The following ZFHX3 variants were observed in gnomAD, a reference collection of about 807,000 sequenced individuals.
ZFHX3 encodes the protein zinc finger homeobox protein 3.
Under a neutral mutation model 279.1 loss-of-function variants are expected in ZFHX3, and 42 were observed. The observed-to-expected ratio is 0.15, with a 90% confidence interval of 0.12 to 0.19. The LOEUF is 0.19. Among genes scored for constraint, ZFHX3 ranks in the 10% least tolerant of loss-of-function variants. ZFHX3 has a pLI of 1.00. For missense variants in ZFHX3, 4,981 were observed against 4,754.0 expected, an observed-to-expected ratio of 1.05 and a Z score of -1.40; for synonymous variants, 2,293 against 1,957.8, an observed-to-expected ratio of 1.17 and a Z score of -4.52.
chr16:73,890,826 A>C (rs551081669), intron 1 of ZFHX3, among the ~76,000 whole-genome samples: 1 of 152,104 alleles, frequency 6.6e-6, no homozygotes, highest in South Asian at 2.1e-4. Flanking sequence ...TTAAAATTCA[A>C]ATTTCACACT....
chr16:72,868,196 A>G (rs2038070889), intron 4 of ZFHX3, among the ~76,000 whole-genome samples: 1 of 152,266 alleles, frequency 6.6e-6, no homozygotes, highest in African/African-American at 2.4e-5. Flanking sequence ...ATTCACTGCT[A>G]TATTCATTTA....
At chr16:72,916,440 G>A (rs529515864) in intron 3 of ZFHX3, among the ~76,000 whole-genome samples, 1 of 152,298 alleles carries the variant, frequency 6.6e-6, no homozygotes, top group East Asian at 1.9e-4. Flanking sequence ...AATTATCCAG[G>A]TGGACCTCTC....
At chr16:73,059,494 C>T (rs1207393834) in exon 1 of ZFHX3, 1 of 147,464 alleles carries the variant, frequency 6.8e-6, no homozygotes, top group Non-Finnish European at 1.5e-5. Context: ...TCTTCCCCCC[C>T]TTCTCTTTTC....
At chr16:73,529,470 C>T (rs1282575948) in intron 2 of ZFHX3, among the ~76,000 whole-genome samples, 2 of 152,140 alleles carry the variant, frequency 1.3e-5, no homozygotes, top group Non-Finnish European at 2.9e-5. Flanking sequence ...CCCACCCAGG[C>T]AGGGAGGTTA....
chr16:73,055,452 T>C (rs943662079), intron 1 of ZFHX3, among the ~76,000 whole-genome samples: 2 of 152,092 alleles, frequency 1.3e-5, no homozygotes, highest in South Asian at 4.1e-4. Flanking sequence ...AAAGCAGCTG[T>C]AGGGGTTTTG....
chr16:73,296,276 C>A (rs2014907621), intron 4 of ZFHX3, among the ~76,000 whole-genome samples: 1 of 152,074 alleles, frequency 6.6e-6, no homozygotes. Context: ...CAAGCTAAGA[C>A]CTTGTATGAT....
chr16:73,768,388 GT>G (rs2053978373), intron 1 of ZFHX3, among the ~76,000 whole-genome samples: 1 of 152,164 alleles, frequency 6.6e-6, no homozygotes, highest in Non-Finnish European at 1.5e-5. Context: ...GAACTTTTAT[GT>G]TATTACTCAA....
At chr16:73,163,070 T>C (rs978437968) in intron 5 of ZFHX3, among the ~76,000 whole-genome samples, 19 of 152,228 alleles carry the variant, frequency 1.2e-4, no homozygotes, top group African/African-American at 4.6e-4. Context: ...CCTGTACTGA[T>C]GTCTTTGACA....
chr16:72,833,668 G>T (rs2037118529), intron 4 of ZFHX3, among the ~76,000 whole-genome samples: 1 of 152,138 alleles, frequency 6.6e-6, no homozygotes, highest in South Asian at 2.1e-4. Context: ...CCAGGACCTG[G>T]GAGAGAAGGT....
chr16:73,689,911 C>G (rs1348482415), intron 1 of ZFHX3, among the ~76,000 whole-genome samples: 3 of 151,726 alleles, frequency 2.0e-5, no homozygotes, highest in Non-Finnish European at 4.4e-5. Flanking sequence ...CCTCCGCCTC[C>G]CAGGTTCAAG....
chr16:73,742,186 G>A (rs1348426468), intron 1 of ZFHX3, among the ~76,000 whole-genome samples: 1 of 152,156 alleles, frequency 6.6e-6, no homozygotes, highest in African/African-American at 2.4e-5. Flanking sequence ...TTACACTGAA[G>A]TTACAGCCGT....
chr16:73,011,073 C>A (rs1366025135), intron 1 of ZFHX3, among the ~76,000 whole-genome samples: 2 of 152,162 alleles, frequency 1.3e-5, no homozygotes, highest in Admixed American at 6.5e-5. Context: ...CCTCGACCTC[C>A]CGGGTTTAAG....
intron 4 of ZFHX3, among the ~76,000 whole-genome samples, chr16:73,313,636 T>C (rs1355120537): frequency 1.3e-5 from 2 of 152,182 alleles, no homozygotes; most frequent in Admixed American, 1.3e-4. Context: ...GCGGTATTAG[T>C]AACAATAGAA....
At chr16:72,946,611 G>A (rs1960689873) in intron 3 of ZFHX3, among the ~76,000 whole-genome samples, 1 of 152,186 alleles carries the variant, frequency 6.6e-6, no homozygotes, top group Non-Finnish European at 1.5e-5. Context: ...ATTTCAGAGA[G>A]CTCACCATGG....
intron 4 of ZFHX3, among the ~76,000 whole-genome samples, chr16:72,874,474 T>C (rs2038255498): frequency 1.3e-5 from 2 of 151,994 alleles, no homozygotes; most frequent in Admixed American, 6.5e-5. Context: ...AGTGCTGAGA[T>C]TGTAGGCGTG....
chr16:73,868,240 C>T (rs1347286605), intron 1 of ZFHX3, among the ~76,000 whole-genome samples: 2 of 152,296 alleles, frequency 1.3e-5, no homozygotes, highest in East Asian at 1.9e-4. Context: ...TTCAACAATG[C>T]GGCCAAGTGG....
At chr16:72,817,412 T>G (rs991380432) in intron 5 of ZFHX3, among the ~76,000 whole-genome samples, 1 of 152,160 alleles carries the variant, frequency 6.6e-6, no homozygotes, top group Non-Finnish European at 1.5e-5. Context: ...GAGTTGCTGC[T>G]TCATCAAAGA....
At chr16:73,205,751 C>T (rs752387411) in intron 5 of ZFHX3, among the ~76,000 whole-genome samples, 10 of 152,224 alleles carry the variant, frequency 6.6e-5, no homozygotes, top group Non-Finnish European at 8.8e-5. Context: ...CAGTCCTTAG[C>T]GCTCATCATT....
upstream of ZFHX3, among the ~76,000 whole-genome samples, chr16:73,051,733 C>A (rs554250665): frequency 8.5e-5 from 13 of 152,112 alleles, no homozygotes; most frequent in Non-Finnish European, 1.5e-4. Flanking sequence ...TTACAAAGCC[C>A]CAAGTTTTAA....
Sources: gnomAD v4.1 joint callset for allele counts (sites outside exome capture counted in the v4.1 genomes callset) on GRCh38, gnomAD v4.1.1 for gene constraint, MANE v1.5 for transcripts, NCBI Gene and HGNC (gene_info 2026-07-23, HGNC 2026-07-21) for gene names.